CHST11: variants seen among roughly 807,000 people sequenced by gnomAD.
CHST11 encodes C4S-1.
Under a neutral mutation model 30.4 loss-of-function variants are expected in CHST11, and 9 were observed. The ratio of observed to expected loss-of-function variants is 0.30; its 90% CI spans 0.18 to 0.52. The LOEUF (loss-of-function observed/expected upper bound fraction) is 0.52. Ranked by LOEUF, CHST11 falls within the 20% of genes least tolerant of loss-of-function variation. The pLI is 0.97. For synonymous variants in CHST11, 152 were observed against 187.8 expected (o/e 0.81, Z 1.56); for missense variants, 348 against 460.6 (o/e 0.76, Z 2.24).
In CHST11 at chr12:104,757,340, A is replaced by G; in HGVS notation, c.596A>G (p.Lys199Arg). Residue 199 changes from lysine (K) to arginine (R), a missense_variant, in exon 3 of 3, where the codon AAG (lysine) becomes AGG (arginine). Coordinates refer to ENST00000303694, the MANE Select transcript of CHST11 (RefSeq NM_018413.6). The surrounding 1 kb of genome is among the most constrained non-coding windows in gnomAD (Gnocchi z 6.5). ...AGGCTAGTGTCCGCCTACCGCAACA[A>G]GTTCACCCAGAAGTACAACATCTCC... ...FERLVSAYRNKFTQKYNISFH... is the reference protein window; with the variant it reads ...FERLVSAYRNRFTQKYNISFH... 2 of 1,614,132 alleles carry G rather than the reference A, an allele frequency of 1.2e-6. No individual in the cohort carries two copies. The highest frequency in any genetic ancestry group is 1.7e-6 in the Non-Finnish European group (2 of 1,180,028).
At chr12:104,497,108 C>G (rs1312425319) in intron 1 of CHST11, among the ~76,000 whole-genome samples, 1 of 152,196 alleles carries the variant, frequency 6.6e-6, no homozygotes, top group Non-Finnish European at 1.5e-5. Context: ...CCTCAAAGGA[C>G]AGATATTGTC....
chr12:104,747,524 T>C (rs1592872680), intron 2 of CHST11, among the ~76,000 whole-genome samples: 1 of 152,152 alleles, frequency 6.6e-6, no homozygotes, highest in South Asian at 2.1e-4. Flanking sequence ...GCCCTTTTCA[T>C]GAGAGTTTAG....
At chr12:104,515,147 C>T (rs1463198888) in intron 1 of CHST11, among the ~76,000 whole-genome samples, 1 of 152,100 alleles carries the variant, frequency 6.6e-6, no homozygotes, top group Admixed American at 6.6e-5. Flanking sequence ...AAAAGAAGAA[C>T]AATATTTCTT....
chr12:104,722,582 C>T (rs190401488), intron 2 of CHST11, among the ~76,000 whole-genome samples: 254 of 152,190 alleles, frequency 1.7e-3, no homozygotes, highest in Admixed American at 3.1e-3. Flanking sequence ...ATTTCTAACA[C>T]GTCATCGTTT....
chr12:104,515,642 TA>T (rs1166633909), intron 1 of CHST11, among the ~76,000 whole-genome samples: 17 of 152,106 alleles, frequency 1.1e-4, no homozygotes, highest in Admixed American at 1.1e-3. Flanking sequence ...GCTTACAGTC[TA>T]GGGGGAGGAG....
chr12:104,611,483 G>A (rs1353459213), intron 2 of CHST11, among the ~76,000 whole-genome samples: 1 of 152,218 alleles, frequency 6.6e-6, no homozygotes, highest in Non-Finnish European at 1.5e-5. Context: ...GCCCCTTGAG[G>A]GAAGGAGCTA....
chr12:104,488,269 G>T (rs1448640675), intron 1 of CHST11, among the ~76,000 whole-genome samples: 1 of 152,184 alleles, frequency 6.6e-6, no homozygotes, highest in Non-Finnish European at 1.5e-5. Context: ...GCAGGTGAGG[G>T]TGCTGTGGAG....
chr12:104,629,013 G>A (rs887571321), intron 2 of CHST11, among the ~76,000 whole-genome samples: 4 of 152,126 alleles, frequency 2.6e-5, no homozygotes, highest in South Asian at 2.1e-4. Flanking sequence ...TGAGGATAAC[G>A]GCACCCCAAG....
intron 1 of CHST11, among the ~76,000 whole-genome samples, chr12:104,512,878 G>C (rs1250477267): frequency 6.6e-6 from 1 of 152,010 alleles, no homozygotes; most frequent in Non-Finnish European, 1.5e-5. Context: ...AGCCTTTTTA[G>C]GTTTCACCAA....
At chr12:104,752,588 C>T (rs976430549) in intron 2 of CHST11, among the ~76,000 whole-genome samples, 6 of 151,974 alleles carry the variant, frequency 3.9e-5, no homozygotes, top group African/African-American at 1.5e-4. Context: ...AGTGCAGTGC[C>T]GCGATCGCGG....
At chr12:104,673,737 A>C (rs1333742049) in intron 2 of CHST11, among the ~76,000 whole-genome samples, 1 of 152,204 alleles carries the variant, frequency 6.6e-6, no homozygotes, top group Non-Finnish European at 1.5e-5. Context: ...TTTTCGACCT[A>C]CTTAAAATCA....
chr12:104,681,894 G>A (rs1393174256), intron 2 of CHST11, among the ~76,000 whole-genome samples: 10 of 133,834 alleles, frequency 7.5e-5, no homozygotes, highest in East Asian at 2.3e-4. Flanking sequence ...GCAGTGGTGC[G>A]ATCTCGGCTC....
rs543197090 is a variant in CHST11 at position 104,458,180 on chromosome 12, GGTCC to G, written c.118+653_118+656del. On this transcript the variant is annotated intron_variant, in intron 1 of 2. Transcript: ENST00000303694. This position sits in a 1 kb window ranked among gnomAD's most constrained non-coding sequence, Gnocchi z 5.7. ...CCACGCGCCGGCCGTTTGCCCCCGG[GGTCC>G]GGCTCCGCAGTGACCTTGCGGCTGG... Among the ~76,000 whole-genome samples the G allele has an allele frequency of 8.5e-4, 130 of 152,190 alleles. No individual in the cohort carries two copies. The highest frequency in any genetic ancestry group is 2.7e-3 in the African/African-American group (111 of 41,544).
intron 1 of CHST11, among the ~76,000 whole-genome samples, chr12:104,504,083 T>A (rs1271379502): frequency 3.3e-5 from 5 of 152,182 alleles, no homozygotes; most frequent in Non-Finnish European, 7.3e-5. Context: ...GTTTTCTCCA[T>A]CAAGATAATC....
At chr12:104,752,204 A>AT (rs907605137) in intron 2 of CHST11, among the ~76,000 whole-genome samples, 2 of 151,882 alleles carry the variant, frequency 1.3e-5, no homozygotes, top group African/African-American at 2.4e-5. Flanking sequence ...AGTCCTTGGC[A>AT]TTTTTTGGCC....
intron 2 of CHST11, among the ~76,000 whole-genome samples, chr12:104,617,649 C>T (rs1352278819): frequency 6.6e-6 from 1 of 152,188 alleles, no homozygotes; most frequent in East Asian, 1.9e-4. Context: ...GTTCAGCTAA[C>T]AAGGCCACAA....
intron 2 of CHST11, among the ~76,000 whole-genome samples, chr12:104,625,947 T>A (rs2039210167): frequency 6.6e-6 from 1 of 152,204 alleles, no homozygotes; most frequent in Admixed American, 6.5e-5. Flanking sequence ...TTAGAAAAGA[T>A]GAGTCTTGTA....
intron 2 of CHST11, among the ~76,000 whole-genome samples, chr12:104,719,333 G>A (rs1262825325): frequency 6.6e-6 from 1 of 152,128 alleles, no homozygotes; most frequent in Non-Finnish European, 1.5e-5. Flanking sequence ...ATGCCATGTT[G>A]GCTTACAAGT....
intron 2 of CHST11, among the ~76,000 whole-genome samples, chr12:104,747,839 C>T (rs1481060775): frequency 6.6e-6 from 1 of 152,190 alleles, no homozygotes; most frequent in Non-Finnish European, 1.5e-5. Context: ...GGCGACCTCT[C>T]TTCCTCCTGT....
Sources: allele counts gnomAD v4.1 joint callset (sites outside exome capture counted in the v4.1 genomes callset), GRCh38; gene constraint gnomAD v4.1.1; non-coding constraint Gnocchi (gnomAD v3.1); transcripts MANE v1.5; gene names NCBI Gene and HGNC (gene_info 2026-07-23, HGNC 2026-07-21).